The following PEAK1 variants were observed in gnomAD, a reference collection of about 807,000 sequenced individuals.
PEAK1 encodes the protein pseudopodium enriched atypical kinase 1, also known as inactive tyrosine-protein kinase PEAK1.
A neutral mutation model predicts 124.7 loss-of-function variants in PEAK1; 54 were observed. The observed-to-expected ratio is 0.43, with a 90% CI of 0.35 to 0.54. The LOEUF (loss-of-function observed/expected upper bound fraction) is 0.54. Ranked by LOEUF, PEAK1 falls within the 20% of genes least tolerant of loss-of-function variation. The pLI, the probability that PEAK1 is intolerant of heterozygous loss-of-function variation, is 0.01. For synonymous variants in PEAK1, 719 were observed against 760.0 expected, an observed-to-expected ratio of 0.95 and a Z score of 0.89; for missense variants, 2,046 against 2,134.5, an observed-to-expected ratio of 0.96 and a Z score of 0.82.
chr15:77,416,903 CTTT>C (rs1178293249), intron 1 of PEAK1, among the ~76,000 whole-genome samples: 3 of 152,114 alleles, frequency 2.0e-5, no homozygotes, highest in African/African-American at 7.2e-5. Flanking sequence ...ATTAATTTCA[CTTT>C]TTACTTTTTA....
At chr15:77,404,923 T>C (rs1185275055) in intron 1 of PEAK1, 1 of 252,824 alleles carries the variant, frequency 4.0e-6, no homozygotes, top group African/African-American at 2.3e-5. Context: ...TGTATGCCTT[T>C]CACAGTGTGA....
At chr15:77,399,325 A>G (rs1224726485) in intron 1 of PEAK1, among the ~76,000 whole-genome samples, 1 of 152,200 alleles carries the variant, frequency 6.6e-6, no homozygotes, top group East Asian at 1.9e-4. Flanking sequence ...CAATTCTAAA[A>G]TTTATATGGA....
intron 8 of PEAK1, among the ~76,000 whole-genome samples, chr15:77,138,496 GT>G (rs1222070875): frequency 1.3e-5 from 2 of 152,040 alleles, no homozygotes; most frequent in African/African-American, 4.8e-5. Flanking sequence ...CTTAAATTTT[GT>G]TTAACTTTAT....
At chr15:77,307,220 AT>A (rs2064153378) in intron 2 of PEAK1, among the ~76,000 whole-genome samples, 1 of 152,152 alleles carries the variant, frequency 6.6e-6, no homozygotes, top group South Asian at 2.1e-4. Context: ...TGTATCTGAC[AT>A]TAAGTGTATC....
At chr15:77,312,794 C>A (rs1303964291) in intron 2 of PEAK1, among the ~76,000 whole-genome samples, 2 of 152,194 alleles carry the variant, frequency 1.3e-5, no homozygotes, top group Non-Finnish European at 2.9e-5. Flanking sequence ...GGAAAGAAAG[C>A]TCTCCCCAGT....
chr15:77,348,945 G>A (rs1053787098), intron 2 of PEAK1: 6 of 947,970 alleles, frequency 6.3e-6, no homozygotes, highest in South Asian at 4.9e-5. Flanking sequence ...TATGGACTAT[G>A]TCTCTTAAAA....
At chr15:77,245,316 C>A (rs572502889) in intron 6 of PEAK1, among the ~76,000 whole-genome samples, 42 of 151,508 alleles carry the variant, frequency 2.8e-4, no homozygotes, top group Non-Finnish European at 4.4e-4. Flanking sequence ...GATCATGCCA[C>A]TATACTCTAG....
chr15:77,253,486 T>C (rs2060979934), intron 5 of PEAK1, among the ~76,000 whole-genome samples: 1 of 152,244 alleles, frequency 6.6e-6, no homozygotes, highest in Non-Finnish European at 1.5e-5. Context: ...CATTTCTTCC[T>C]GTAGAACTGA....
chr15:77,298,321 C>T (rs2063616970), intron 2 of PEAK1, among the ~76,000 whole-genome samples: 1 of 145,958 alleles, frequency 6.9e-6, no homozygotes, highest in South Asian at 2.3e-4. Flanking sequence ...CGGATTCATG[C>T]CATTCTCCTG....
In PEAK1 at chr15:77,252,471, G is replaced by C; in HGVS notation, c.-219C>G. Reference sequence around the variant, plus strand: ...AAGGTGCTTTGGGTCTTTCCAAGATGAATGTCCTTTCTTCCTTGCCTCTCA... The same window carrying C: ...AAGGTGCTTTGGGTCTTTCCAAGATCAATGTCCTTTCTTCCTTGCCTCTCA... On this transcript the variant is annotated 5_prime_UTR_variant, in exon 6 of 10. Coordinates refer to ENST00000682557, the MANE Select transcript of PEAK1 (RefSeq NM_001385026.1). 1 of 984,962 alleles carries C rather than the reference G, an allele frequency of 1.0e-6. No homozygotes were observed. The highest frequency in any genetic ancestry group is 1.2e-6 in the Non-Finnish European group (1 of 829,554). The allele number at this position is 984,962 out of a possible 1,614,324, so 61.0% of individuals were successfully genotyped here.
At chr15:77,419,091 C>T in intron 1 of PEAK1, 1 of 985,352 alleles carries the variant, frequency 1.0e-6, no homozygotes, top group Non-Finnish European at 1.2e-6. Context: ...CATCACTACC[C>T]CCTCAACGTC....
chr15:77,256,888 C>T (rs62008425), intron 5 of PEAK1, among the ~76,000 whole-genome samples: 10,733 of 149,440 alleles, frequency 0.072, 456 homozygotes, highest in Non-Finnish European at 0.098. Flanking sequence ...CCCCCCACCC[C>T]ACAACAGTCC....
intron 9 of PEAK1, 27 bp from the exon 10 acceptor site, chr15:77,115,346 C>T (rs1289821243): frequency 6.3e-7 from 1 of 1,581,358 alleles, no homozygotes. Flanking sequence ...CAATTCAAAA[C>T]TCACACTCTC....
In PEAK1 at chr15:77,337,049, G is replaced by C. The variant is rs867108593; in HGVS notation, c.-603+28114C>G. On this transcript the variant is annotated intron_variant, in intron 2 of 9. Transcript: ENST00000682557. ...CTAGATTATAGTAGGTGTTTATGGA[G>C]GAAACAGAATGAGTAAAGATAGGAA... 19 of 872,452 alleles carry C rather than the reference G, an allele frequency of 2.2e-5. 1 individual carries two copies. The African/African-American group carries it at 2.9e-4, about 13-fold the overall frequency. 54.0% of individuals were successfully genotyped at this position (872,452 alleles called of 1,614,324 possible). A position where few individuals can be genotyped will look rare whatever the true frequency, so the allele number is the denominator to read the frequency against.
intron 1 of PEAK1, among the ~76,000 whole-genome samples, chr15:77,394,399 C>T (rs1369884084): frequency 6.6e-6 from 1 of 152,200 alleles, no homozygotes; most frequent in African/African-American, 2.4e-5. Context: ...GCTTGTGTCA[C>T]CCTCCTCCAC....
chr15:77,229,707 G>A (rs552883616), intron 6 of PEAK1, among the ~76,000 whole-genome samples: 1 of 151,180 alleles, frequency 6.6e-6, no homozygotes, highest in South Asian at 2.1e-4. Flanking sequence ...GAGTGCAATG[G>A]CACAATCTCG....
chr15:77,282,233 T>G (rs541937062), intron 5 of PEAK1, among the ~76,000 whole-genome samples: 20 of 152,008 alleles, frequency 1.3e-4, no homozygotes, highest in South Asian at 1.2e-3. Context: ...GAATATGACA[T>G]CAAAGAGTTC....
intron 6 of PEAK1, among the ~76,000 whole-genome samples, chr15:77,217,938 A>T (rs1048281496): frequency 6.6e-6 from 1 of 152,228 alleles, no homozygotes; most frequent in African/African-American, 2.4e-5. Context: ...GCAAATATAT[A>T]GAAATGAAGT....
In PEAK1 at chr15:77,311,397, C is replaced by T. The variant is rs527945519; in HGVS notation, c.-602-24893G>A. ...AGGACATAGAAAATTAAAGGCAGGC[C>T]GGGTGCAGTGGCTCACGCCTGTAAT... On this transcript the variant is annotated intron_variant, in intron 2 of 9. Transcript: ENST00000682557. Among the ~76,000 whole-genome samples, 47 of 152,022 alleles carry T rather than the reference C, an allele frequency of 3.1e-4. 2 individuals carry two copies. The highest frequency in any genetic ancestry group is 2.4e-4 in the Non-Finnish European group (16 of 68,010).
Sources: gnomAD v4.1 joint callset for allele counts (sites outside exome capture counted in the v4.1 genomes callset) on GRCh38, gnomAD v4.1.1 for gene constraint, MANE v1.5 for transcripts, NCBI Gene and HGNC (gene_info 2026-07-23, HGNC 2026-07-21) for gene names.